Variants in FBXO30 observed in about 807,000 individuals in gnomAD.
FBXO30 encodes F-box only protein 30.
A neutral mutation model predicts 58.1 loss-of-function variants in FBXO30; 21 were observed. The observed-to-expected ratio is 0.36, with a 90% CI of 0.26 to 0.52. The LOEUF (loss-of-function observed/expected upper bound fraction) is 0.52. Ranked by LOEUF, FBXO30 falls within the 20% of genes least tolerant of loss-of-function variation. FBXO30 has a pLI of 0.93. For synonymous variants in FBXO30, 309 were observed against 312.4 expected (o/e 0.99, Z 0.11); for missense variants, 744 against 897.3 (o/e 0.83, Z 2.18).
Position 145,805,892 on chromosome 6 carries a change from C to G in FBXO30, c.514G>C (p.Val172Leu), listed in dbSNP as rs771284799. 1.7e-5 allele frequency: 28 copies of G among 1,614,052 alleles called. No homozygotes were observed. The South Asian group carries it at 3.1e-4, about 18-fold the overall frequency. Residue 172 changes from valine (V) to leucine (L), a missense_variant, in exon 2 of 3, where the codon GTG becomes CTG. Physicochemically the swap from Val to Leu is conservative, Grantham distance 32. Coordinates refer to ENST00000237281, the MANE Select transcript of FBXO30 (RefSeq NM_032145.5). Reference sequence around the variant, plus strand: ...CCATAAGATTCTTCATCAACAGACACTAAACCATTAGCATGTGGTATTTCT... The same window carrying G: ...CCATAAGATTCTTCATCAACAGACAGTAAACCATTAGCATGTGGTATTTCT... Reference protein sequence around the residue: ...VPEIPHANGLVSVDEESYGAL... With the variant: ...VPEIPHANGLLSVDEESYGAL...
chr6:145,800,776 TA>T (rs1268196885), intron 2 of FBXO30, among the ~76,000 whole-genome samples: 1 of 152,116 alleles, frequency 6.6e-6, no homozygotes. Flanking sequence ...ATATCAGTAC[TA>T]AAAAATACCC....
intron 1 of FBXO30, among the ~76,000 whole-genome samples, chr6:145,814,062 T>C (rs917695237): frequency 6.6e-6 from 1 of 152,168 alleles, no homozygotes; most frequent in Admixed American, 6.5e-5. Flanking sequence ...GAAGTTCCCC[T>C]TTAATAAGGA....
intron 1 of FBXO30, among the ~76,000 whole-genome samples, chr6:145,808,301 C>A (rs907067436): frequency 2.0e-4 from 31 of 151,660 alleles, no homozygotes; most frequent in Non-Finnish European, 3.5e-4. Context: ...ATTTTTACTA[C>A]CCCTATTAAA....
Position 145,805,524 on chromosome 6 carries a change from G to A in FBXO30, c.882C>T (p.Thr294=). Residue 294 remains threonine, a synonymous_variant, in exon 2 of 3, where the codon ACC becomes ACT. Transcript: ENST00000237281. ...CNGFPLENIC[T]QVIDQNQNLH... ...AATTCTGATTCTGGTCTATGACCTG[G>A]GTACATATATTTTCCAAAGGAAAGC... The A allele has an allele frequency of 1.9e-6, 3 of 1,606,336 alleles. No individual in the cohort carries two copies. The highest frequency in any genetic ancestry group is 2.5e-6 in the Non-Finnish European group (3 of 1,176,744).
At chr6:145,803,459 G>T (rs553907050) in intron 2 of FBXO30, among the ~76,000 whole-genome samples, 15 of 152,194 alleles carry the variant, frequency 9.9e-5, no homozygotes, top group South Asian at 2.1e-4. Flanking sequence ...AAGGTGCTAC[G>T]AATAAAGTAA....
intron 1 of FBXO30, among the ~76,000 whole-genome samples, chr6:145,813,441 G>C (rs1778390829): frequency 6.6e-6 from 1 of 152,094 alleles, no homozygotes; most frequent in Non-Finnish European, 1.5e-5. Context: ...GAGAAACAGT[G>C]ACTAAGCATG....
chr6:145,808,710 C>T (rs920565700), intron 1 of FBXO30, among the ~76,000 whole-genome samples: 1 of 152,156 alleles, frequency 6.6e-6, no homozygotes, highest in African/African-American at 2.4e-5. Context: ...ATGGCACAGG[C>T]AACTCAGTTC....
chr6:145,802,860 T>C (rs1377564192), intron 2 of FBXO30, among the ~76,000 whole-genome samples: 2 of 151,952 alleles, frequency 1.3e-5, no homozygotes, highest in Non-Finnish European at 2.9e-5. Context: ...TTCATGATTA[T>C]CTGAATAAAA....
Position 145,799,630 on chromosome 6 carries a change from C to T in FBXO30, c.*476G>A, listed in dbSNP as rs1562557780. ...GTGCATTAACAATTGTATAGGGAAG[C>T]ACTAAAAGACAAAAACATTATAATG... On this transcript the variant is annotated 3_prime_UTR_variant, in exon 3 of 3. Transcript: ENST00000237281. 1 of 152,942 alleles carries T rather than the reference C, an allele frequency of 6.5e-6. No homozygotes were observed. The highest frequency in any genetic ancestry group is 1.5e-5 in the Non-Finnish European group (1 of 68,384). The allele number at this position is 152,942 out of a possible 1,614,324, so 9.5% of individuals were successfully genotyped here.
intron 1 of FBXO30, among the ~76,000 whole-genome samples, chr6:145,813,794 C>T (rs1419205246): frequency 6.6e-6 from 1 of 152,154 alleles, no homozygotes; most frequent in Non-Finnish European, 1.5e-5. Context: ...AATTCGTTCC[C>T]AAGCATCTTT....
chr6:145,803,364 G>A (rs537604767), intron 2 of FBXO30, among the ~76,000 whole-genome samples: 15 of 152,226 alleles, frequency 9.9e-5, no homozygotes, highest in African/African-American at 2.9e-4. Flanking sequence ...AACAATTTGT[G>A]TGATCATTTA....
At position 145,805,907 on chromosome 6, in the gene FBXO30, G is replaced by A. The variant is rs1465097912; in HGVS notation, c.499C>T (p.His167Tyr). 7 of 1,613,916 alleles carry A rather than the reference G, an allele frequency of 4.3e-6. No individual in the cohort carries two copies. The highest frequency in any genetic ancestry group is 4.2e-6 in the Non-Finnish European group (5 of 1,179,982). Residue 167 changes from histidine to tyrosine, a missense_variant, in exon 2 of 3, where the codon CAT becomes TAT. Physicochemically the swap from His to Tyr is moderately conservative, Grantham distance 83 (BLOSUM62 2). This residue lies in a region of FBXO30 where 275 missense variants were observed against 262.0 expected (regional missense o/e 1.05). Transcript: ENST00000237281. Reference sequence around the variant, plus strand: ...TCAACAGACACTAAACCATTAGCATGTGGTATTTCTGGGACACTTGATTTA... The same window carrying A: ...TCAACAGACACTAAACCATTAGCATATGGTATTTCTGGGACACTTGATTTA... The part of the protein sequence containing the change: ...SVKSSVPEIP[H>Y]ANGLVSVDEE...
rs529115203 is a variant in FBXO30 at position 145,811,921 on chromosome 6, C to T, written c.-17+2682G>A. On this transcript the variant is annotated intron_variant, in intron 1 of 2. Transcript: ENST00000237281. The stretch of plus-strand genomic sequence containing the variant: ...AGTCCAGAGGTATTAGTGCATAGTA[C>T]CTCTGGTGACTGATCTGTTTATCAG... The T allele has an allele frequency of 1.4e-4, 22 of 152,280 alleles. No homozygotes were observed. The East Asian group carries it at 4.1e-3, about 28-fold the overall frequency. 9.4% of individuals were successfully genotyped at this position (152,280 alleles called of 1,614,324 possible).
intron 1 of FBXO30, among the ~76,000 whole-genome samples, chr6:145,807,532 T>C (rs921710675): frequency 2.0e-5 from 3 of 152,122 alleles, no homozygotes; most frequent in African/African-American, 4.8e-5. Flanking sequence ...TCATGATGAG[T>C]GCTTTATGCT....
rs1333990102 is a variant in FBXO30 at position 145,805,543 on chromosome 6, G to A, written c.863C>T (p.Pro288Leu). 7.5e-6 allele frequency: 12 copies of A among 1,607,620 alleles called. No homozygotes were observed. The highest frequency in any genetic ancestry group is 1.0e-5 in the Non-Finnish European group (12 of 1,177,570). ...GACCTGGGTACATATATTTTCCAAA[G>A]GAAAGCCATTACAAAGAGCAGAAGT... is the stretch of plus-strand genomic sequence containing the variant. ...YDTSALCNGF[P>L]LENICTQVID... Residue 288 changes from proline to leucine, a missense_variant, in exon 2 of 3, where the codon CCT becomes CTT. Physicochemically the swap from Pro to Leu is moderately conservative, Grantham distance 98. Around this residue, in one of 3 missense-constraint regions of FBXO30, gnomAD observed 275 missense variants for 262.0 expected, o/e 1.05. Transcript: ENST00000237281.
intron 1 of FBXO30, among the ~76,000 whole-genome samples, chr6:145,813,244 G>T (rs2128668804): frequency 6.6e-6 from 1 of 151,572 alleles, no homozygotes; most frequent in East Asian, 1.9e-4. Flanking sequence ...AGTACACTTG[G>T]TATACATTAA....
intron 2 of FBXO30, among the ~76,000 whole-genome samples, 168 bp downstream of exon 2, chr6:145,804,204 C>G (rs922763925): frequency 6.6e-6 from 1 of 152,136 alleles, no homozygotes; most frequent in African/African-American, 2.4e-5. Context: ...ACAATTCTAA[C>G]TATCCTAGTT....
chr6:145,800,605 A>G (rs1312142365), intron 2 of FBXO30, among the ~76,000 whole-genome samples: 1 of 152,132 alleles, frequency 6.6e-6, no homozygotes, highest in Non-Finnish European at 1.5e-5. Context: ...TAAAAAATCA[A>G]AACTGCACAA....
chr6:145,808,555 TC>T lies in FBXO30; in HGVS notation c.-16-2135del. 3.9e-5 allele frequency among the ~76,000 whole-genome samples: 6 copies of T among 152,262 alleles called. No homozygotes were observed. In the South Asian group the frequency reaches 1.2e-3, roughly 32 times the overall value. On this transcript the variant is annotated intron_variant, in intron 1 of 2. Transcript: ENST00000237281. ...GTCATTTTTTGCTTATTCTGTACAT[TC>T]TCCCTGGGTGCTCTCATTTTCTCCA...
Sources: gnomAD v4.1 joint callset for allele counts (sites outside exome capture counted in the v4.1 genomes callset) on GRCh38, gnomAD v4.1.1 for gene constraint, gnomAD v4.1.1 regional missense constraint, MANE v1.5 for transcripts, NCBI Gene and HGNC (gene_info 2026-07-23, HGNC 2026-07-21) for gene names.